The following ARHGAP24 variants were observed in gnomAD, a reference collection of about 807,000 sequenced individuals.
The protein encoded by ARHGAP24 is rho GTPase-activating protein 24.
A neutral mutation model predicts 76.4 loss-of-function variants in ARHGAP24; 50 were observed. That is an observed-to-expected ratio of 0.65 (90% CI 0.52 to 0.83). ARHGAP24 has a LOEUF of 0.83. Ranked by LOEUF, ARHGAP24 falls within the 40% of genes least tolerant of loss-of-function variation. ARHGAP24 has a pLI of 0.00. For synonymous variants in ARHGAP24, 345 were observed against 323.3 expected, an observed-to-expected ratio of 1.07 and a Z score of -0.72; for missense variants, 930 against 914.2, an observed-to-expected ratio of 1.02 and a Z score of -0.22.
At chr4:85,836,033 C>G (rs1044257149) in intron 3 of ARHGAP24, among the ~76,000 whole-genome samples, 3 of 152,158 alleles carry the variant, frequency 2.0e-5, no homozygotes, top group African/African-American at 7.2e-5. Context: ...CTTGGCAGTG[C>G]TGGCAATCTA....
At chr4:85,589,610 C>T (rs1196560554) in intron 2 of ARHGAP24, among the ~76,000 whole-genome samples, 1 of 152,194 alleles carries the variant, frequency 6.6e-6, no homozygotes, top group Admixed American at 6.5e-5. Flanking sequence ...ATATCTTCTA[C>T]ATCTCCGGCC....
intron 3 of ARHGAP24, among the ~76,000 whole-genome samples, chr4:85,854,252 T>A (rs892209959): frequency 4.0e-5 from 6 of 151,808 alleles, no homozygotes; most frequent in Admixed American, 3.9e-4. Context: ...GCATTTTAAA[T>A]ACTTGAAAAA....
At chr4:85,800,024 A>G (rs924033299) in intron 3 of ARHGAP24, among the ~76,000 whole-genome samples, 1 of 152,220 alleles carries the variant, frequency 6.6e-6, no homozygotes, top group East Asian at 1.9e-4. Flanking sequence ...AACTAAATGC[A>G]GCATGAGATC....
chr4:85,742,115 G>T (rs777531881), intron 3 of ARHGAP24, among the ~76,000 whole-genome samples: 1 of 152,176 alleles, frequency 6.6e-6, no homozygotes, highest in Non-Finnish European at 1.5e-5. Flanking sequence ...ACTTGTAGAA[G>T]GTCTGTGGGG....
intron 2 of ARHGAP24, among the ~76,000 whole-genome samples, chr4:85,672,377 A>T (rs1030176963): frequency 3.9e-5 from 6 of 152,092 alleles, no homozygotes; most frequent in Non-Finnish European, 8.8e-5. Context: ...TGGTTTCTCA[A>T]CTCTCGGACT....
At chr4:85,592,654 G>C (rs924973343) in intron 2 of ARHGAP24, among the ~76,000 whole-genome samples, 3 of 152,072 alleles carry the variant, frequency 2.0e-5, no homozygotes, top group Non-Finnish European at 4.4e-5. Flanking sequence ...CCAGTCTCTA[G>C]TAACCAGTCA....
intron 8 of ARHGAP24, among the ~76,000 whole-genome samples, chr4:85,987,076 AG>A (rs548995896): frequency 3.1e-4 from 47 of 152,270 alleles, no homozygotes; most frequent in African/African-American, 1.1e-3. Context: ...CAACACAAAA[AG>A]TGATCCCTAA....
chr4:85,688,071 C>T (rs1413707764), intron 2 of ARHGAP24, among the ~76,000 whole-genome samples: 1 of 152,090 alleles, frequency 6.6e-6, no homozygotes, highest in Non-Finnish European at 1.5e-5. Context: ...CCTTGGCCTC[C>T]CAAAGTGCTG....
chr4:85,568,193 A>G (rs926937031), intron 1 of ARHGAP24, among the ~76,000 whole-genome samples: 1 of 151,956 alleles, frequency 6.6e-6, no homozygotes, highest in Non-Finnish European at 1.5e-5. Context: ...AGCATTTTAG[A>G]GGGAATTTTT....
rs911195094 is a variant in ARHGAP24, at chr4:85,972,352, G to A, written c.732+184G>A. The A allele has an allele frequency of 4.2e-5, 30 of 709,174 alleles. 1 individual carries two copies. In the Admixed American group the frequency reaches 8.1e-4, roughly 19 times the overall value. 43.9% of individuals were successfully genotyped at this position (709,174 alleles called of 1,614,324 possible). On this transcript the variant is annotated intron_variant, in intron 6 of 9. Transcript: ENST00000395184. The stretch of plus-strand genomic sequence containing the variant: ...AAGCACCATTTCCGATCCCCTCTCT[G>A]ATCAAAAAAAAAGAATATGGCTGAA...
intron 3 of ARHGAP24, among the ~76,000 whole-genome samples, chr4:85,901,748 T>G (rs1734503542): frequency 6.6e-6 from 1 of 152,164 alleles, no homozygotes; most frequent in African/African-American, 2.4e-5. Flanking sequence ...AAGTAAATAT[T>G]TATTGTAGCT....
intron 3 of ARHGAP24, among the ~76,000 whole-genome samples, chr4:85,888,990 G>T (rs966906698): frequency 9.9e-5 from 15 of 152,082 alleles, no homozygotes; most frequent in African/African-American, 3.6e-4. Flanking sequence ...TTTCCATAGG[G>T]TATATGTATC....
chr4:85,718,997 G>T (rs1047724688), intron 2 of ARHGAP24, among the ~76,000 whole-genome samples: 1 of 152,062 alleles, frequency 6.6e-6, no homozygotes, highest in East Asian at 1.9e-4. Context: ...AACTAAACAG[G>T]AGTTATACAT....
chr4:85,784,846 A>G (rs13127292), intron 3 of ARHGAP24, among the ~76,000 whole-genome samples: 105,418 of 151,678 alleles, frequency 0.7, 37,618 homozygotes, highest in East Asian at 0.97. Flanking sequence ...CCCCGCCCCA[A>G]TCCTTTTCTA....
intron 1 of ARHGAP24, among the ~76,000 whole-genome samples, chr4:85,552,175 C>T (rs948628546): frequency 2.0e-4 from 30 of 152,110 alleles, no homozygotes; most frequent in Non-Finnish European, 3.8e-4. Flanking sequence ...ATAAACTTTC[C>T]TCTTAACACT....
chr4:85,495,208 C>CT (rs1723519295), intron 1 of ARHGAP24, among the ~76,000 whole-genome samples: 1 of 151,752 alleles, frequency 6.6e-6, no homozygotes, highest in African/African-American at 2.4e-5. Flanking sequence ...TGAACAGTAT[C>CT]TTTACACTTC....
intron 3 of ARHGAP24, among the ~76,000 whole-genome samples, chr4:85,874,930 T>A (rs1274754660): frequency 2.7e-5 from 2 of 75,284 alleles, no homozygotes; most frequent in African/African-American, 1.1e-4. Context: ...TTATATATAA[T>A]TTATATATAA....
At chr4:85,865,442 A>G (rs1732140119) in intron 3 of ARHGAP24, among the ~76,000 whole-genome samples, 1 of 148,254 alleles carries the variant, frequency 6.7e-6, no homozygotes, top group East Asian at 1.9e-4. Flanking sequence ...AACCCTATTT[A>G]TTATTAATAA....
intron 2 of ARHGAP24, among the ~76,000 whole-genome samples, chr4:85,693,882 T>A (rs368100706): frequency 8.5e-5 from 13 of 152,290 alleles, no homozygotes; most frequent in African/African-American, 3.1e-4. Context: ...TGAAGCCCTG[T>A]CTCTGCCTAC....
Sources: allele counts gnomAD v4.1 joint callset (sites outside exome capture counted in the v4.1 genomes callset), GRCh38; gene constraint gnomAD v4.1.1; transcripts MANE v1.5; gene names NCBI Gene and HGNC (gene_info 2026-07-23, HGNC 2026-07-21).